MDGA2: variants seen among roughly 807,000 people sequenced by gnomAD.
MDGA2 encodes the protein MAM domain-containing glycosylphosphatidylinositol anchor protein 2.
A neutral mutation model predicts 117.8 loss-of-function variants in MDGA2; 40 were observed. That is an observed-to-expected ratio of 0.34 (90% CI 0.26 to 0.44). MDGA2 has a LOEUF of 0.44. Among genes scored for constraint, MDGA2 ranks in the 20% least tolerant of loss-of-function variants. The pLI, the probability that MDGA2 is intolerant of heterozygous loss-of-function variation, is 1.00. For synonymous variants in MDGA2, 452 were observed against 439.0 expected (o/e 1.03, Z -0.37); for missense variants, 1,123 against 1,250.6 (o/e 0.90, Z 1.54).
intron 8 of MDGA2, among the ~76,000 whole-genome samples, chr14:47,004,025 CTG>C (rs1215852183): frequency 6.6e-6 from 1 of 151,840 alleles, no homozygotes; most frequent in East Asian, 1.9e-4. Flanking sequence ...AAGCTACAGA[CTG>C]TGAGAAAACA....
rs138885854 is a variant in MDGA2 at position 47,649,207 on chromosome 14, T to C, written c.280+25310A>G. On this transcript the variant is annotated intron_variant, in intron 1 of 16. Coordinates refer to ENST00000399232, the MANE Select transcript of MDGA2 (RefSeq NM_001113498.3). ...TCTTCTTAATAAATGAGGGAGTAAA[T>C]TGCAACTTACTACTGGAAAACTTTC... 8.8e-3 allele frequency among the ~76,000 whole-genome samples: 1,333 copies of C among 152,282 alleles called. 22 individuals are homozygous for C. Among genetic ancestry groups the C allele is most frequent in the African/African-American group, 0.03 (1,266 of 41,558 alleles).
chr14:46,937,628 A>G (rs1884831550), intron 9 of MDGA2, among the ~76,000 whole-genome samples: 1 of 152,176 alleles, frequency 6.6e-6, no homozygotes, highest in African/African-American at 2.4e-5. Flanking sequence ...ACTAGAATAC[A>G]GAACCCTGAA....
At chr14:47,537,478 T>C (rs1895239148) in intron 1 of MDGA2, among the ~76,000 whole-genome samples, 1 of 146,886 alleles carries the variant, frequency 6.8e-6, no homozygotes, top group African/African-American at 2.5e-5. Flanking sequence ...TTCTGCCAAC[T>C]GTTGTACATG....
At chr14:47,495,084 A>G (rs1226837371) in intron 1 of MDGA2, among the ~76,000 whole-genome samples, 1 of 152,078 alleles carries the variant, frequency 6.6e-6, no homozygotes, top group East Asian at 1.9e-4. Flanking sequence ...AATACTACTC[A>G]GCCATAAAAA....
rs559105858 is a variant in MDGA2 at position 47,519,559 on chromosome 14, G to A, written c.280+154958C>T. Among the ~76,000 whole-genome samples the A allele has an allele frequency of 2.2e-4, 33 of 152,242 alleles. No homozygotes were observed. In the South Asian group the frequency reaches 6.4e-3, roughly 30 times the overall value. On this transcript the variant is annotated intron_variant, in intron 1 of 16. Coordinates refer to ENST00000399232, the MANE Select transcript of MDGA2 (RefSeq NM_001113498.3). ...TTGATGGTTTTCTTTTAAAAATGAT[G>A]AGTAAACGCAAGTATAAAAACGGCA... is the stretch of plus-strand genomic sequence containing the variant.
At chr14:47,012,027 A>AT (rs941736552) in intron 8 of MDGA2, among the ~76,000 whole-genome samples, 3 of 151,944 alleles carry the variant, frequency 2.0e-5, no homozygotes, top group Admixed American at 6.6e-5. Context: ...AGGCATTTAC[A>AT]TTTTTTTACA....
chr14:47,397,220 T>G (rs929577094), intron 1 of MDGA2, among the ~76,000 whole-genome samples: 3 of 152,060 alleles, frequency 2.0e-5, no homozygotes, highest in African/African-American at 7.2e-5. Context: ...CTGAGCAAAC[T>G]ATTGCAAGGA....
At chr14:47,098,659 AC>A (rs1304480648) in intron 5 of MDGA2, among the ~76,000 whole-genome samples, 2 of 152,060 alleles carry the variant, frequency 1.3e-5, no homozygotes, top group Non-Finnish European at 2.9e-5. Context: ...AAATCTCTAT[AC>A]CCTGACTTAA....
intron 1 of MDGA2, among the ~76,000 whole-genome samples, chr14:47,344,783 C>T (rs8012719): frequency 0.33 from 50,503 of 151,430 alleles, 9,239 homozygotes; most frequent in Admixed American, 0.52. Flanking sequence ...CAAGAGCTGG[C>T]GAAATAGTAT....
chr14:47,173,430 A>G (rs746693609), intron 3 of MDGA2, among the ~76,000 whole-genome samples: 1 of 152,250 alleles, frequency 6.6e-6, no homozygotes, highest in Admixed American at 6.5e-5. Flanking sequence ...AGGGAAGCAC[A>G]TCAGACTAAC....
At chr14:46,922,899 T>A (rs1435262834) in intron 9 of MDGA2, among the ~76,000 whole-genome samples, 3 of 152,228 alleles carry the variant, frequency 2.0e-5, no homozygotes. Flanking sequence ...TAGGATAGAA[T>A]AATAACAGGA....
intron 6 of MDGA2, among the ~76,000 whole-genome samples, chr14:47,075,551 G>C (rs1890460111): frequency 6.6e-6 from 1 of 152,062 alleles, no homozygotes; most frequent in South Asian, 2.1e-4. Context: ...ATCGTATTTT[G>C]TCAAGATAAA....
intron 1 of MDGA2, among the ~76,000 whole-genome samples, chr14:47,398,744 A>T (rs900625430): frequency 2.6e-5 from 4 of 152,194 alleles, no homozygotes; most frequent in African/African-American, 7.2e-5. Flanking sequence ...CCTAATATGT[A>T]GCACAAACTT....
chr14:47,046,355 T>C (rs1464345272), intron 7 of MDGA2, among the ~76,000 whole-genome samples: 1 of 151,954 alleles, frequency 6.6e-6, no homozygotes, highest in Non-Finnish European at 1.5e-5. Flanking sequence ...TTGTTATTTT[T>C]TAAAATAATG....
At chr14:47,154,976 T>C (rs1161144439) in intron 3 of MDGA2, among the ~76,000 whole-genome samples, 1 of 152,132 alleles carries the variant, frequency 6.6e-6, no homozygotes, top group African/African-American at 2.4e-5. Context: ...CAGCAAGCAC[T>C]TCCTCCCCTC....
intron 3 of MDGA2, among the ~76,000 whole-genome samples, chr14:47,184,264 A>C (rs1056614622): frequency 3.9e-5 from 6 of 151,910 alleles, no homozygotes; most frequent in African/African-American, 1.4e-4. Flanking sequence ...AGTGGTCAAT[A>C]TTTCCTTGAA....
rs546057305 is a variant in MDGA2, at chr14:47,550,205, C to T, written c.280+124312G>A. On this transcript the variant is annotated intron_variant, in intron 1 of 16. Transcript: ENST00000399232. ...ATTCACACTCCCAGGTACTCAGGTTCATATACTCTAGTAAAGTTAATTTTA... is the reference window on the plus strand; with the variant it reads ...ATTCACACTCCCAGGTACTCAGGTTTATATACTCTAGTAAAGTTAATTTTA... 8.5e-5 allele frequency among the ~76,000 whole-genome samples: 13 copies of T among 152,284 alleles called. No homozygotes were observed. The South Asian group carries it at 1.2e-3, about 15-fold the overall frequency.
At chr14:46,920,498 A>G (rs1884085275) in intron 9 of MDGA2, among the ~76,000 whole-genome samples, 1 of 152,234 alleles carries the variant, frequency 6.6e-6, no homozygotes, top group South Asian at 2.1e-4. Flanking sequence ...GGATACACCA[A>G]GTATGCAGTA....
chr14:47,304,635 T>C (rs1889384431), intron 1 of MDGA2, among the ~76,000 whole-genome samples: 1 of 152,142 alleles, frequency 6.6e-6, no homozygotes. Flanking sequence ...AAAATAGTAT[T>C]TTGAAATTTC....
Sources: gnomAD v4.1 joint callset for allele counts (sites outside exome capture counted in the v4.1 genomes callset) on GRCh38, gnomAD v4.1.1 for gene constraint, MANE v1.5 for transcripts, NCBI Gene and HGNC (gene_info 2026-07-23, HGNC 2026-07-21) for gene names.